The following SOX6 variants were observed in gnomAD, a reference collection of about 807,000 sequenced individuals.
The protein encoded by SOX6 is SRY-box transcription factor 6.
A neutral mutation model predicts 97.8 loss-of-function variants in SOX6; 11 were observed. That is an observed-to-expected ratio of 0.11 (90% confidence interval 0.07 to 0.19). The LOEUF (loss-of-function observed/expected upper bound fraction) is 0.19, where lower values mean the gene tolerates loss of function less well. Among genes scored for constraint, SOX6 ranks in the 10% least tolerant of loss-of-function variants. SOX6 has a pLI of 1.00. For synonymous variants in SOX6, 360 were observed against 371.4 expected (o/e 0.97, Z 0.35); for missense variants, 810 against 1,039.5 (o/e 0.78, Z 3.04).
chr11:16,260,193 G>T (rs1030313703), intron 3 of SOX6, among the ~76,000 whole-genome samples: 1 of 151,680 alleles, frequency 6.6e-6, no homozygotes, highest in Non-Finnish European at 1.5e-5. Context: ...GTAGAGACGG[G>T]GTTTCACCAT....
chr11:16,170,372 A>G (rs2098375036), intron 6 of SOX6, among the ~76,000 whole-genome samples: 2 of 152,060 alleles, frequency 1.3e-5, no homozygotes, highest in Non-Finnish European at 1.5e-5. Context: ...CTTAAAAAAA[A>G]AAAACCTTTC....
At chr11:15,998,907 A>G (rs564802008) in intron 13 of SOX6, among the ~76,000 whole-genome samples, 1 of 152,262 alleles carries the variant, frequency 6.6e-6, no homozygotes, top group African/African-American at 2.4e-5. Context: ...TAAATATACA[A>G]GAAAAATGTT....
intron 3 of SOX6, among the ~76,000 whole-genome samples, chr11:16,671,159 C>T (rs1375283363): frequency 6.6e-6 from 1 of 152,224 alleles, no homozygotes; most frequent in East Asian, 1.9e-4. Context: ...ACTCAATCTG[C>T]ACTGCAGTTA....
chr11:15,998,525 A>C (rs1174947421), intron 13 of SOX6, among the ~76,000 whole-genome samples: 1 of 151,818 alleles, frequency 6.6e-6, no homozygotes, highest in Non-Finnish European at 1.5e-5. Flanking sequence ...ATTCAACCAA[A>C]TTCCAATAAA....
chr11:16,068,459 T>C (rs2133938875), intron 9 of SOX6, among the ~76,000 whole-genome samples: 1 of 152,270 alleles, frequency 6.6e-6, no homozygotes, highest in Admixed American at 6.5e-5. Flanking sequence ...CTTTTACTTT[T>C]CATAAATCTC....
chr11:15,985,255 C>T (rs1564893544), intron 15 of SOX6, among the ~76,000 whole-genome samples: 1 of 152,180 alleles, frequency 6.6e-6, no homozygotes, highest in East Asian at 1.9e-4. Context: ...CTTTAAGGTA[C>T]CTCTTTTTCT....
chr11:16,094,243 C>T (rs941610412), intron 9 of SOX6, among the ~76,000 whole-genome samples: 1 of 150,478 alleles, frequency 6.6e-6, no homozygotes, highest in Non-Finnish European at 1.5e-5. Flanking sequence ...ATATGCATGA[C>T]ATCATGGTTT....
rs548021157 is a variant in SOX6, at chr11:16,128,108, A to G, written c.778-16185T>C. Among the ~76,000 whole-genome samples the G allele has an allele frequency of 2.0e-5, 3 of 152,344 alleles. No homozygotes were observed. In the South Asian group the frequency reaches 6.2e-4, roughly 32 times the overall value. ...AATAACAAAGAAAACTACATCCTAG[A>G]AAAGCATATAGAAGTCTTAGATTTT... On this transcript the variant is annotated intron_variant, in intron 6 of 15. Coordinates refer to ENST00000683767, the MANE Select transcript of SOX6 (RefSeq NM_001367873.1).
intron 4 of SOX6, among the ~76,000 whole-genome samples, chr11:16,532,811 CT>C (rs1861255590): frequency 6.6e-6 from 1 of 151,808 alleles, no homozygotes; most frequent in Non-Finnish European, 1.5e-5. Context: ...AAACACAAAG[CT>C]AGAAGCTGTG....
At chr11:16,597,233 G>C (rs1327493505) in intron 4 of SOX6, among the ~76,000 whole-genome samples, 1 of 151,894 alleles carries the variant, frequency 6.6e-6, no homozygotes, top group East Asian at 1.9e-4. Context: ...CATGGTTCTT[G>C]TACTGATCAT....
At chr11:16,464,281 A>T (rs1859987104) in intron 1 of SOX6, among the ~76,000 whole-genome samples, 1 of 152,140 alleles carries the variant, frequency 6.6e-6, no homozygotes, top group Admixed American at 6.5e-5. Flanking sequence ...AGTTTCTTTG[A>T]TTGCCCAAAG....
intron 4 of SOX6, among the ~76,000 whole-genome samples, chr11:16,587,520 T>A (rs539117307): frequency 6.6e-6 from 1 of 152,314 alleles, no homozygotes; most frequent in South Asian, 2.1e-4. Context: ...AATATGTCTA[T>A]GTGTGGTAAC....
chr11:16,329,936 T>C (rs1349892110), intron 2 of SOX6, among the ~76,000 whole-genome samples: 1 of 152,206 alleles, frequency 6.6e-6, no homozygotes, highest in South Asian at 2.1e-4. Context: ...AGTTATTCAA[T>C]ACATACTCAC....
At chr11:16,258,999 A>C (rs1853788403) in intron 3 of SOX6, among the ~76,000 whole-genome samples, 2 of 151,664 alleles carry the variant, frequency 1.3e-5, no homozygotes, top group Admixed American at 1.3e-4. Context: ...AATTAAGTTT[A>C]TTAATTTTAA....
chr11:16,419,100 C>A (rs1320832171), intron 1 of SOX6, among the ~76,000 whole-genome samples: 3 of 152,146 alleles, frequency 2.0e-5, no homozygotes, highest in African/African-American at 7.2e-5. Context: ...CTTCACTTAT[C>A]AATCAATGCA....
intron 3 of SOX6, among the ~76,000 whole-genome samples, chr11:16,692,403 C>A (rs961598093): frequency 1.3e-5 from 2 of 152,054 alleles, no homozygotes; most frequent in African/African-American, 4.8e-5. Context: ...TAGAATCCCC[C>A]TTAGATATTT....
chr11:16,129,507 T>C (rs192888085), intron 6 of SOX6, among the ~76,000 whole-genome samples: 115 of 152,258 alleles, frequency 7.6e-4, no homozygotes, highest in Non-Finnish European at 1.3e-3. Context: ...TAAATTGAAT[T>C]ATTTTCCCAA....
Position 16,735,286 on chromosome 11 carries a change from G to A in SOX6, n.353+1053C>T, listed in dbSNP as rs149935300. Reference sequence around the variant, plus strand: ...GAATACAATACTTTTAGGCTTATCAGGTTTCAGCACACTGGACACTAACCA... The same window carrying A: ...GAATACAATACTTTTAGGCTTATCAAGTTTCAGCACACTGGACACTAACCA... On this transcript the variant is annotated intron_variant and non_coding_transcript_variant, in intron 2 of 5. Coordinates refer to the SOX6 transcript ENST00000524520. Among the ~76,000 whole-genome samples, 340 of 152,226 alleles carry A rather than the reference G, an allele frequency of 2.2e-3. 2 individuals are homozygous for A. Among genetic ancestry groups the A allele is most frequent in the African/African-American group, 8.1e-3 (335 of 41,540 alleles).
chr11:16,338,169 T>A (rs185688037), intron 2 of SOX6, among the ~76,000 whole-genome samples: 9 of 152,202 alleles, frequency 5.9e-5, no homozygotes, highest in African/African-American at 2.2e-4. Flanking sequence ...TTTTTAGATT[T>A]TCTTTTAAGT....
Sources: allele counts gnomAD v4.1 joint callset (sites outside exome capture counted in the v4.1 genomes callset), GRCh38; gene constraint gnomAD v4.1.1; transcripts MANE v1.5; gene names NCBI Gene and HGNC (gene_info 2026-07-23, HGNC 2026-07-21).